KAZN: variants seen among roughly 807,000 people sequenced by gnomAD.
KAZN encodes the protein kazrin.
KAZN carries 40 observed loss-of-function variants against 87.4 expected under a neutral mutation model. The ratio of observed to expected loss-of-function variants is 0.46; its 90% CI spans 0.36 to 0.60. KAZN has a LOEUF of 0.60. Ranked by LOEUF, KAZN falls within the 20% of genes least tolerant of loss-of-function variation. The pLI, the probability that KAZN is intolerant of heterozygous loss-of-function variation, is 0.00. For synonymous variants in KAZN, 466 were observed against 458.3 expected (o/e 1.02, Z -0.22); for missense variants, 898 against 1,073.9 (o/e 0.84, Z 2.29).
In KAZN at chr1:14,712,431, T is replaced by C. The variant is rs142920890; in HGVS notation, c.226+113208T>C. On this transcript the variant is annotated intron_variant, in intron 1 of 14. Coordinates refer to ENST00000376030, the MANE Select transcript of KAZN (RefSeq NM_201628.3). ...CACTGAGATGCTGTGTGGGTTCAGG[T>C]TGATGCCAACAATGCCGAAATTACA... is the stretch of plus-strand genomic sequence containing the variant. Among the ~76,000 whole-genome samples, 569 of 152,278 alleles carry C rather than the reference T, an allele frequency of 3.7e-3. 1 individual carries two copies. The highest frequency in any genetic ancestry group is 6.7e-3 in the Non-Finnish European group (455 of 68,016).
chr1:14,419,333 G>T (rs1201288132), intron 2 of KAZN, among the ~76,000 whole-genome samples: 1 of 152,166 alleles, frequency 6.6e-6, no homozygotes, highest in African/African-American at 2.4e-5. Context: ...TCTGTCTGAC[G>T]TCCGTGATCT....
chr1:14,702,229 A>G (rs1416164424), intron 1 of KAZN, among the ~76,000 whole-genome samples: 2 of 152,134 alleles, frequency 1.3e-5, no homozygotes, highest in African/African-American at 4.8e-5. Flanking sequence ...TGGGCAGCTC[A>G]GGAGGTTGAA....
At chr1:14,058,586 G>T (rs1557440590) in intron 1 of KAZN, among the ~76,000 whole-genome samples, 1 of 152,232 alleles carries the variant, frequency 6.6e-6, no homozygotes, top group Non-Finnish European at 1.5e-5. Flanking sequence ...TGCAGCCCTT[G>T]ATATGACAAT....
intron 1 of KAZN, among the ~76,000 whole-genome samples, chr1:14,100,876 G>T (rs12088539): frequency 2.6e-5 from 4 of 152,152 alleles, no homozygotes; most frequent in Admixed American, 1.3e-4. Context: ...GGTCTTTCCC[G>T]TGCTGTTTTC....
chr1:14,936,308 A>G (rs1572869757), intron 1 of KAZN, among the ~76,000 whole-genome samples: 1 of 152,224 alleles, frequency 6.6e-6, no homozygotes, highest in East Asian at 1.9e-4. Context: ...GAGGCACATT[A>G]GAGATGCGGT....
Position 14,644,366 on chromosome 1 carries a change from T to TC in KAZN, c.226+45143_226+45144insC, listed in dbSNP as rs576299608. On this transcript the variant is annotated intron_variant, in intron 1 of 14. Coordinates refer to ENST00000376030, the MANE Select transcript of KAZN (RefSeq NM_201628.3). ...TCTCTTGTAAATTTGTTTTTTTTTT[T>TC]TTCTTCTTTTTTTGAGACTGAGTCT... Among the ~76,000 whole-genome samples, 150 of 151,608 alleles carry TC rather than the reference T, an allele frequency of 9.9e-4. 1 individual carries two copies. Among genetic ancestry groups the TC allele is most frequent in the Non-Finnish European group, 1.5e-3 (99 of 67,918 alleles).
At chr1:15,110,722 T>TA (rs1641576203) in intron 13 of KAZN, among the ~76,000 whole-genome samples, 3 of 152,222 alleles carry the variant, frequency 2.0e-5, no homozygotes, top group Non-Finnish European at 4.4e-5. Context: ...CTACCCTAAA[T>TA]CCCAAAGTGG....
chr1:14,867,191 A>T (rs555102165), intron 1 of KAZN, among the ~76,000 whole-genome samples: 1 of 152,270 alleles, frequency 6.6e-6, no homozygotes, highest in South Asian at 2.1e-4. Context: ...CCTGTGATCA[A>T]TGGAGCGTGG....
At chr1:15,022,537 G>C (rs1037265289) in intron 2 of KAZN, among the ~76,000 whole-genome samples, 1 of 152,210 alleles carries the variant, frequency 6.6e-6, no homozygotes, top group Admixed American at 6.5e-5. Flanking sequence ...CTCAGCCATG[G>C]ATGGGCCCAA....
intron 2 of KAZN, among the ~76,000 whole-genome samples, chr1:14,525,103 T>G (rs768637375): frequency 1.5e-4 from 23 of 152,250 alleles, no homozygotes; most frequent in South Asian, 4.1e-4. Flanking sequence ...CATGGACATA[T>G]GTATCAGGGT....
At chr1:14,817,383 C>G (rs1012344179) in intron 1 of KAZN, among the ~76,000 whole-genome samples, 1 of 152,234 alleles carries the variant, frequency 6.6e-6, no homozygotes, top group Admixed American at 6.5e-5. Context: ...AGCTGGACTA[C>G]ATACTGCAGA....
At chr1:14,196,605 C>A (rs942763119) in intron 2 of KAZN, among the ~76,000 whole-genome samples, 4 of 151,816 alleles carry the variant, frequency 2.6e-5, no homozygotes, top group African/African-American at 9.7e-5. Context: ...GTGAGAAGAT[C>A]AAGGGGAGGT....
chr1:14,245,204 A>G (rs1649383003), intron 2 of KAZN, among the ~76,000 whole-genome samples: 1 of 151,988 alleles, frequency 6.6e-6, no homozygotes, highest in Non-Finnish European at 1.5e-5. Flanking sequence ...ACCTCAAGTC[A>G]TCCTCCCACC....
At chr1:14,778,300 G>C (rs912152845) in intron 1 of KAZN, among the ~76,000 whole-genome samples, 3 of 151,600 alleles carry the variant, frequency 2.0e-5, no homozygotes, top group African/African-American at 4.9e-5. Context: ...CTCTTACCAG[G>C]AAAGAATGCT....
intron 1 of KAZN, among the ~76,000 whole-genome samples, chr1:13,929,981 A>T (rs566279702): frequency 6.6e-6 from 1 of 152,286 alleles, no homozygotes; most frequent in South Asian, 2.1e-4. Context: ...TGGAGCCAGA[A>T]TTTGAACTCA....
chr1:14,134,767 C>T (rs1327225053), intron 1 of KAZN, among the ~76,000 whole-genome samples: 1 of 152,124 alleles, frequency 6.6e-6, no homozygotes, highest in Non-Finnish European at 1.5e-5. Flanking sequence ...AACACACTGG[C>T]CTTCACCTCC....
chr1:14,164,120 G>C (rs1645768730), intron 1 of KAZN, among the ~76,000 whole-genome samples: 8 of 152,130 alleles, frequency 5.3e-5, no homozygotes, highest in Admixed American at 5.2e-4. Context: ...ATCTATTACT[G>C]CTCATAAATT....
intron 2 of KAZN, among the ~76,000 whole-genome samples, chr1:14,224,232 G>A (rs1268659890): frequency 6.6e-6 from 1 of 152,080 alleles, no homozygotes; most frequent in African/African-American, 2.4e-5. Context: ...AAAGGCCAAA[G>A]GGGCAGGGTC....
At chr1:15,063,777 C>G in intron 7 of KAZN, among the ~76,000 whole-genome samples, 155 bp downstream of exon 7, 1 of 151,878 alleles carries the variant, frequency 6.6e-6, no homozygotes, top group East Asian at 1.9e-4. Context: ...ACTGCACACC[C>G]AAGGCGGAGA....
Sources: allele counts gnomAD v4.1 joint callset (sites outside exome capture counted in the v4.1 genomes callset), GRCh38; gene constraint gnomAD v4.1.1; transcripts MANE v1.5; gene names NCBI Gene and HGNC (gene_info 2026-07-23, HGNC 2026-07-21).